The following GLUD1 variants were observed in gnomAD, a reference collection of about 807,000 sequenced individuals.
GLUD1 encodes the protein glutamate dehydrogenase 1, also known as glutamate dehydrogenase 1, mitochondrial.
A neutral mutation model predicts 56.0 loss-of-function variants in GLUD1; 22 were observed. The ratio of observed to expected loss-of-function variants is 0.39; its 90% CI spans 0.28 to 0.56. The LOEUF is 0.56. Among genes scored for constraint, GLUD1 ranks in the 20% least tolerant of loss-of-function variants. The pLI is 0.58. For synonymous variants in GLUD1, 223 were observed against 269.9 expected (o/e 0.83, Z 1.70); for missense variants, 451 against 732.0 (o/e 0.62, Z 4.43).
At position 87,094,216 on chromosome 10, in the gene GLUD1, T is replaced by C; in HGVS notation, c.445+109A>G. ...TGACCCGGGCGGGGACCCGGCCCGCTCCAGCTGGGCTGGGCTGGGCTGAGC... is the reference window on the plus strand; with the variant it reads ...TGACCCGGGCGGGGACCCGGCCCGCCCCAGCTGGGCTGGGCTGGGCTGAGC... On this transcript the variant is annotated intron_variant, in intron 1 of 12. Coordinates refer to ENST00000277865, the MANE Select transcript of GLUD1 (RefSeq NM_005271.5). This position sits in a 1 kb window ranked among gnomAD's most constrained non-coding sequence, Gnocchi z 6.6. 2.1e-6 allele frequency: 3 copies of C among 1,423,888 alleles called. No homozygotes were observed. Among genetic ancestry groups the C allele is most frequent in the South Asian group, 2.8e-5 (2 of 72,146 alleles). 88.2% of individuals were successfully genotyped at this position (1,423,888 alleles called of 1,614,324 possible). A position where few individuals can be genotyped will look rare whatever the true frequency, so the allele number is the denominator to read the frequency against.
rs961982338 is a variant in GLUD1, at chr10:87,061,359, C to T, written c.922-307G>A. On this transcript the variant is annotated intron_variant, in intron 6 of 12. Transcript: ENST00000277865. ...CCAACATGGTGAAACCCCGTCTCTA[C>T]TAAAAATACAAAAATTAGGCATGGG... 1.4e-4 allele frequency: 64 copies of T among 454,404 alleles called. 1 individual carries two copies. The highest frequency in any genetic ancestry group is 2.2e-4 in the Non-Finnish European group (52 of 238,816). The allele number at this position is 454,404 out of a possible 1,614,324, so 28.1% of individuals were successfully genotyped here. A position where few individuals can be genotyped will look rare whatever the true frequency, so the allele number is the denominator to read the frequency against.
chr10:87,074,417 C>T, intron 4 of GLUD1, 134 bp downstream of exon 4: 2 of 678,666 alleles, frequency 2.9e-6, no homozygotes, highest in Non-Finnish European at 5.4e-6. Context: ...AAGAGAATTG[C>T]TTGAACCCAG....
At chr10:87,065,766 T>C (rs909283843) in intron 5 of GLUD1, among the ~76,000 whole-genome samples, 2 of 152,178 alleles carry the variant, frequency 1.3e-5, no homozygotes, top group Admixed American at 1.3e-4. Flanking sequence ...CTATGTACAG[T>C]TCTAGGTGCA....
At chr10:87,059,538 C>G (rs1014557775) in intron 9 of GLUD1, among the ~76,000 whole-genome samples, 3 of 152,098 alleles carry the variant, frequency 2.0e-5, no homozygotes, top group Non-Finnish European at 4.4e-5. Context: ...TTGGTTGGAG[C>G]CTCTTCTCTA....
chr10:87,079,888 C>G (rs1483263164), intron 1 of GLUD1, among the ~76,000 whole-genome samples: 1 of 143,412 alleles, frequency 7.0e-6, no homozygotes, highest in Non-Finnish European at 1.5e-5. Flanking sequence ...AGAACTAGTG[C>G]TCTCCCTCTC....
chr10:87,088,496 A>C (rs1841439257), intron 1 of GLUD1, among the ~76,000 whole-genome samples: 3 of 152,198 alleles, frequency 2.0e-5, no homozygotes, highest in African/African-American at 7.2e-5. Flanking sequence ...ATACGAGTAC[A>C]TCACCCTTGG....
chr10:87,059,080 G>C, intron 10 of GLUD1, 70 bp downstream of exon 10: 1 of 1,563,164 alleles, frequency 6.4e-7, no homozygotes, highest in Non-Finnish European at 8.8e-7. Flanking sequence ...GTTCTCTTAA[G>C]TGGACCTTTT....
intron 6 of GLUD1, 46 bp from the exon 7 acceptor site, chr10:87,061,098 T>C: frequency 6.5e-7 from 1 of 1,544,398 alleles, no homozygotes; most frequent in African/African-American, 1.4e-5. Flanking sequence ...AGTCCTGGTA[T>C]AGACAGCAAG....
At position 87,093,895 on chromosome 10, in the gene GLUD1, G is replaced by C. The variant is rs578160442; in HGVS notation, c.445+430C>G. The C allele has an allele frequency of 5.3e-6, 7 of 1,310,620 alleles. No individual in the cohort carries two copies. In the South Asian group the frequency reaches 8.6e-5, roughly 16 times the overall value. The allele number at this position is 1,310,620 out of a possible 1,614,324, so 81.2% of individuals were successfully genotyped here. Reference sequence around the variant, plus strand: ...TTGGAACAGGAGTGAACAAATACCAGAAAATAATTTGACAGCTTGCATTTA... The same window carrying C: ...TTGGAACAGGAGTGAACAAATACCACAAAATAATTTGACAGCTTGCATTTA... On this transcript the variant is annotated intron_variant, in intron 1 of 12. Transcript: ENST00000277865.
intron 5 of GLUD1, among the ~76,000 whole-genome samples, chr10:87,066,154 C>A (rs1260477164): frequency 1.3e-5 from 2 of 152,160 alleles, no homozygotes; most frequent in Admixed American, 6.6e-5. Context: ...ACAAAAAAAA[C>A]CTTTTTCTCT....
chr10:87,071,683 A>G (rs1846242647), intron 4 of GLUD1, among the ~76,000 whole-genome samples: 1 of 152,230 alleles, frequency 6.6e-6, no homozygotes. Context: ...CTCACACAAG[A>G]GAATGAACAT....
rs144139287 is a variant in GLUD1, at chr10:87,088,565, T to A, written c.445+5760A>T. Among the ~76,000 whole-genome samples, 572 of 152,304 alleles carry A rather than the reference T, an allele frequency of 3.8e-3. 3 individuals are homozygous for A. The highest frequency in any genetic ancestry group is 6.6e-3 in the Non-Finnish European group (447 of 68,024). On this transcript the variant is annotated intron_variant, in intron 1 of 12. Transcript: ENST00000277865. The stretch of plus-strand genomic sequence containing the variant: ...GAAAAAAAAAATTCATGCAAAATCC[T>A]ACTAAGGCCCAATATGTACAAAATA...
intron 1 of GLUD1, chr10:87,093,977 A>G (rs1255798173): frequency 1.4e-6 from 2 of 1,416,814 alleles, no homozygotes; most frequent in East Asian, 6.8e-5. Flanking sequence ...CGGGCAGGTC[A>G]TTCCCTTTCC....
At chr10:87,085,446 T>C (rs1318056403) in intron 1 of GLUD1, among the ~76,000 whole-genome samples, 1 of 152,220 alleles carries the variant, frequency 6.6e-6, no homozygotes, top group Admixed American at 6.5e-5. Context: ...TCTTAGATTT[T>C]TAATCCAGTC....
intron 5 of GLUD1, among the ~76,000 whole-genome samples, chr10:87,066,295 T>C (rs1252532031): frequency 1.3e-5 from 2 of 152,146 alleles, no homozygotes; most frequent in Admixed American, 6.5e-5. Context: ...TGTAGTAGTC[T>C]CCTGCCCTCA....
chr10:87,088,095 A>G (rs1174076995), intron 1 of GLUD1, among the ~76,000 whole-genome samples: 1 of 151,762 alleles, frequency 6.6e-6, no homozygotes, highest in Non-Finnish European at 1.5e-5. Context: ...AAAAAAACAA[A>G]CAAAAAAACA....
At chr10:87,078,360 C>A (rs946438479) in intron 1 of GLUD1, among the ~76,000 whole-genome samples, 1 of 152,186 alleles carries the variant, frequency 6.6e-6, no homozygotes, top group African/African-American at 2.4e-5. Flanking sequence ...TCCCCTTGAC[C>A]ACTGTATTTA....
At chr10:87,057,905 GT>G in intron 10 of GLUD1, 123 bp from the exon 11 acceptor site, 1 of 664,090 alleles carries the variant, frequency 1.5e-6, no homozygotes, top group Non-Finnish European at 2.7e-6. Flanking sequence ...GTCGTGGTCT[GT>G]CACCCAGGCT....
At chr10:87,071,060 C>T (rs1191198730) in intron 4 of GLUD1, among the ~76,000 whole-genome samples, 4 of 151,388 alleles carry the variant, frequency 2.6e-5, no homozygotes, top group Non-Finnish European at 4.4e-5. Context: ...ACCCGGGAGG[C>T]GGAGCTTGCA....
Sources: gnomAD v4.1 joint callset for allele counts (sites outside exome capture counted in the v4.1 genomes callset) on GRCh38, gnomAD v4.1.1 for gene constraint, Gnocchi (gnomAD v3.1) non-coding constraint, MANE v1.5 for transcripts, NCBI Gene and HGNC (gene_info 2026-07-23, HGNC 2026-07-21) for gene names.